The following PCDH9 variants were observed in gnomAD, a reference collection of about 807,000 sequenced individuals.
PCDH9 encodes the protein protocadherin 9.
In PCDH9, 24 loss-of-function variants were observed where a neutral mutation model predicts 70.6. The ratio of observed to expected loss-of-function variants is 0.34; its 90% CI spans 0.25 to 0.48. PCDH9 has a LOEUF of 0.48. PCDH9 is among the 20% of genes least tolerant of loss of function. The probability of loss-of-function intolerance (pLI) is 0.99; values close to 1 mark genes in which losing one functional copy is unlikely to be tolerated. For synonymous variants in PCDH9, 562 were observed against 558.5 expected, an observed-to-expected ratio of 1.01 and a Z score of -0.09; for missense variants, 1,281 against 1,503.6, an observed-to-expected ratio of 0.85 and a Z score of 2.45.
At chr13:67,169,173 A>G (rs1214909636) in intron 2 of PCDH9, among the ~76,000 whole-genome samples, 1 of 152,226 alleles carries the variant, frequency 6.6e-6, no homozygotes, top group East Asian at 1.9e-4. Context: ...TATATTTGTA[A>G]CACAAATGAC....
intron 2 of PCDH9, among the ~76,000 whole-genome samples, chr13:67,017,997 CAT>C (rs1382650833): frequency 6.6e-6 from 1 of 152,158 alleles, no homozygotes; most frequent in African/African-American, 2.4e-5. Context: ...GACACAGGCA[CAT>C]GTCTTTCTTG....
At chr13:67,008,536 T>C (rs2084395712) in intron 2 of PCDH9, among the ~76,000 whole-genome samples, 1 of 152,112 alleles carries the variant, frequency 6.6e-6, no homozygotes, top group Non-Finnish European at 1.5e-5. Context: ...TACATAGATA[T>C]CCCTCAGTGA....
chr13:67,058,459 C>A (rs1022522853), intron 2 of PCDH9, among the ~76,000 whole-genome samples: 4 of 152,130 alleles, frequency 2.6e-5, no homozygotes, highest in African/African-American at 7.2e-5. Flanking sequence ...TCAGTATGAT[C>A]CTCATTTTTC....
intron 2 of PCDH9, among the ~76,000 whole-genome samples, chr13:67,113,400 A>G (rs889820120): frequency 2.0e-5 from 3 of 152,220 alleles, no homozygotes; most frequent in Non-Finnish European, 4.4e-5. Flanking sequence ...TCCGTGTCTT[A>G]TAACATCAAC....
At chr13:66,453,634 C>A (rs1407887385) in intron 4 of PCDH9, among the ~76,000 whole-genome samples, 1 of 152,126 alleles carries the variant, frequency 6.6e-6, no homozygotes, top group Admixed American at 6.5e-5. Flanking sequence ...ACTGTGGACA[C>A]CCATGGGGAC....
intron 3 of PCDH9, among the ~76,000 whole-genome samples, chr13:66,810,835 G>A (rs554573078): frequency 4.2e-4 from 63 of 151,536 alleles, no homozygotes; most frequent in Non-Finnish European, 8.3e-4. Context: ...GAATGTGTGT[G>A]TACATATATA....
intron 2 of PCDH9, among the ~76,000 whole-genome samples, chr13:67,020,864 G>A (rs1377027180): frequency 6.6e-6 from 1 of 152,072 alleles, no homozygotes; most frequent in Non-Finnish European, 1.5e-5. Flanking sequence ...TTTTTATTCA[G>A]TATTTTGAGC....
chr13:66,862,140 A>C (rs1044307028), intron 3 of PCDH9, among the ~76,000 whole-genome samples: 4 of 152,218 alleles, frequency 2.6e-5, no homozygotes, highest in Non-Finnish European at 5.9e-5. Context: ...CCTTTACATT[A>C]GCTTTGTAGT....
chr13:67,013,767 A>G (rs1305975133), intron 2 of PCDH9, among the ~76,000 whole-genome samples: 6 of 152,032 alleles, frequency 3.9e-5, no homozygotes, highest in African/African-American at 1.4e-4. Flanking sequence ...AATGTCCCGT[A>G]TAAAAACAAT....
At chr13:67,141,773 T>G (rs1237547282) in intron 2 of PCDH9, among the ~76,000 whole-genome samples, 2 of 148,718 alleles carry the variant, frequency 1.3e-5, no homozygotes, top group Non-Finnish European at 1.5e-5. Flanking sequence ...AAAAAGAAGT[T>G]GGGAAACAGA....
At chr13:66,377,585 C>T (rs1391321279) in intron 4 of PCDH9, among the ~76,000 whole-genome samples, 2 of 152,100 alleles carry the variant, frequency 1.3e-5, no homozygotes, top group Non-Finnish European at 2.9e-5. Context: ...GTTGGCTGTC[C>T]ACTGATGCAT....
At chr13:67,124,704 T>C (rs772708983) in intron 2 of PCDH9, among the ~76,000 whole-genome samples, 1 of 152,200 alleles carries the variant, frequency 6.6e-6, no homozygotes, top group Non-Finnish European at 1.5e-5. Context: ...ATGTAGATCA[T>C]TGACCTCACA....
At chr13:66,715,183 A>T (rs2078852636) in intron 3 of PCDH9, among the ~76,000 whole-genome samples, 1 of 152,142 alleles carries the variant, frequency 6.6e-6, no homozygotes, top group Non-Finnish European at 1.5e-5. Flanking sequence ...ACTGACAGAG[A>T]TCCCTCCAAC....
intron 2 of PCDH9, among the ~76,000 whole-genome samples, chr13:67,181,781 A>G (rs1304222479): frequency 6.6e-6 from 1 of 152,226 alleles, no homozygotes; most frequent in African/African-American, 2.4e-5. Flanking sequence ...ACACCACTAC[A>G]AAATAAGTTG....
intron 2 of PCDH9, among the ~76,000 whole-genome samples, chr13:67,055,698 G>A (rs1401282788): frequency 6.6e-6 from 1 of 151,986 alleles, no homozygotes; most frequent in African/African-American, 2.4e-5. Flanking sequence ...CTACTCAGGA[G>A]CTGAAGTGGC....
chr13:66,625,142 T>C (rs577401033), intron 4 of PCDH9, among the ~76,000 whole-genome samples: 1 of 152,302 alleles, frequency 6.6e-6, no homozygotes, highest in African/African-American at 2.4e-5. Flanking sequence ...CAATGATAAC[T>C]TTCTTTTAAC....
intron 2 of PCDH9, among the ~76,000 whole-genome samples, chr13:66,930,708 T>C (rs2082792757): frequency 6.6e-6 from 1 of 152,060 alleles, no homozygotes; most frequent in South Asian, 2.1e-4. Flanking sequence ...ATTTTGCACA[T>C]ATTAATGGTA....
chr13:66,437,403 T>TAAAAAAA (rs1957890049), intron 4 of PCDH9, among the ~76,000 whole-genome samples: 1 of 1,916 alleles, frequency 5.2e-4, no homozygotes, highest in Non-Finnish European at 2.7e-3. Context: ...AGACTCTGTC[T>TAAAAAAA]CAAAAAAAAA....
chr13:66,676,137 T>C (rs1422972564), intron 3 of PCDH9, among the ~76,000 whole-genome samples: 1 of 152,168 alleles, frequency 6.6e-6, no homozygotes, highest in African/African-American at 2.4e-5. Flanking sequence ...ACATATTTTA[T>C]CTCAATCTTC....
Sources: allele counts gnomAD v4.1 joint callset (sites outside exome capture counted in the v4.1 genomes callset), GRCh38; gene constraint gnomAD v4.1.1; transcripts MANE v1.5; gene names NCBI Gene and HGNC (gene_info 2026-07-23, HGNC 2026-07-21).